DTNB: variants seen among roughly 807,000 people sequenced by gnomAD.
The protein encoded by DTNB is dystrobrevin beta.
In DTNB, 63 loss-of-function variants were observed where a neutral mutation model predicts 90.7. The ratio of observed to expected loss-of-function variants is 0.69; its 90% CI spans 0.57 to 0.86. DTNB has a LOEUF of 0.86. Ranked by LOEUF, DTNB falls within the 40% of genes least tolerant of loss-of-function variation. The probability of loss-of-function intolerance (pLI) is 0.00; values close to 1 mark genes in which losing one functional copy is unlikely to be tolerated. For synonymous variants in DTNB, 277 were observed against 286.7 expected, an observed-to-expected ratio of 0.97 and a Z score of 0.34; for missense variants, 744 against 807.1, an observed-to-expected ratio of 0.92 and a Z score of 0.95.
chr2:25,419,318 G>C (rs1259642281), intron 16 of DTNB, 197 bp downstream of exon 16: 1 of 757,004 alleles, frequency 1.3e-6, no homozygotes, highest in Non-Finnish European at 2.2e-6. Context: ...TTTTAAGTAA[G>C]AACATGCTCT....
At chr2:25,667,679 T>C (rs984452063) in intron 1 of DTNB, among the ~76,000 whole-genome samples, 10 of 152,182 alleles carry the variant, frequency 6.6e-5, no homozygotes, top group African/African-American at 2.2e-4. Context: ...GGAATGCAAA[T>C]GATACAGTCA....
chr2:25,423,074 CA>C (rs1413519815), intron 15 of DTNB, among the ~76,000 whole-genome samples: 2 of 152,104 alleles, frequency 1.3e-5, no homozygotes, highest in Non-Finnish European at 2.9e-5. Flanking sequence ...CCTGTAATCC[CA>C]ACTACTCAGG....
chr2:25,580,606 T>C (rs2061422840), intron 7 of DTNB, 115 bp downstream of exon 7: 8 of 1,014,066 alleles, frequency 7.9e-6, no homozygotes, highest in Middle Eastern at 2.1e-4. Context: ...AATGACAGAA[T>C]GACAGCAAAT....
chr2:25,633,441 C>G (rs2076233626), intron 3 of DTNB, among the ~76,000 whole-genome samples: 1 of 152,150 alleles, frequency 6.6e-6, no homozygotes, highest in Non-Finnish European at 1.5e-5. Context: ...GCCGGGATTG[C>G]AGACGGAGTC....
chr2:25,441,964 A>G (rs1467184252), intron 12 of DTNB, among the ~76,000 whole-genome samples: 1 of 150,908 alleles, frequency 6.6e-6, no homozygotes, highest in Non-Finnish European at 1.5e-5. Flanking sequence ...CCCTAAACAG[A>G]TTTTTTTTTT....
chr2:25,425,238 C>T (rs1325736503), intron 15 of DTNB, among the ~76,000 whole-genome samples: 5 of 152,094 alleles, frequency 3.3e-5, no homozygotes, highest in Admixed American at 2.6e-4. Context: ...AGAAACATAT[C>T]TATGCAAAAC....
chr2:25,595,049 C>A (rs1268084184), intron 6 of DTNB: 1 of 152,080 alleles, frequency 6.6e-6, no homozygotes, highest in Admixed American at 6.5e-5. Context: ...ATTATTGACA[C>A]TTTTGAAGTG....
rs1169808182 is a variant in DTNB, at chr2:25,589,367, C to CTTTTTTTTTTTTTTT, written c.603+6704_603+6718dup. On this transcript the variant is annotated intron_variant, in intron 6 of 20. Coordinates refer to ENST00000406818, the MANE Select transcript of DTNB (RefSeq NM_021907.5). ...GCTTATTCAGGTTTCTTTTTCTTTT[C>CTTTTTTTTTTTTTTT]TTTTTTTTTTTTTTTTTTTTTTTTT... Among the ~76,000 whole-genome samples, 36 of 57,544 alleles carry CTTTTTTTTTTTTTTT rather than the reference C, an allele frequency of 6.3e-4. 5 individuals are homozygous for CTTTTTTTTTTTTTTT. Among genetic ancestry groups the CTTTTTTTTTTTTTTT allele is most frequent in the African/African-American group, 1.9e-3 (23 of 12,290 alleles). 37.8% of individuals were successfully genotyped at this position (57,544 alleles called of 152,430 possible). A position where few individuals can be genotyped will look rare whatever the true frequency, so the allele number is the denominator to read the frequency against.
At chr2:25,404,197 G>A (rs558388526) in intron 16 of DTNB, among the ~76,000 whole-genome samples, 7 of 152,324 alleles carry the variant, frequency 4.6e-5, no homozygotes, top group Admixed American at 3.9e-4. Flanking sequence ...CCTATCCCGA[G>A]GGAGTCAGGT....
intron 16 of DTNB, among the ~76,000 whole-genome samples, chr2:25,409,485 T>C (rs1215921340): frequency 1.3e-5 from 2 of 152,212 alleles, no homozygotes; most frequent in East Asian, 1.9e-4. Context: ...GGGCAGTCCA[T>C]TCATGTGTAA....
At chr2:25,400,856 T>C (rs190146708) in intron 16 of DTNB, among the ~76,000 whole-genome samples, 1 of 152,178 alleles carries the variant, frequency 6.6e-6, no homozygotes, top group Non-Finnish European at 1.5e-5. Context: ...TTGGAAACAA[T>C]TCTGTTGCAA....
At chr2:25,437,699 T>C (rs1558524270) in intron 12 of DTNB, among the ~76,000 whole-genome samples, 1 of 152,212 alleles carries the variant, frequency 6.6e-6, no homozygotes, top group East Asian at 1.9e-4. Flanking sequence ...GAGACTTTGT[T>C]GATCCAGTTC....
At chr2:25,564,876 A>G (rs916870288) in intron 8 of DTNB, among the ~76,000 whole-genome samples, 6 of 152,222 alleles carry the variant, frequency 3.9e-5, no homozygotes, top group African/African-American at 4.8e-5. Flanking sequence ...GTAGGTTGGT[A>G]CAAAAGTAAT....
chr2:25,426,334 C>T (rs895215265), intron 15 of DTNB, among the ~76,000 whole-genome samples: 2 of 152,192 alleles, frequency 1.3e-5, no homozygotes, highest in African/African-American at 2.4e-5. Flanking sequence ...CCACTGAGGA[C>T]TTGGATAGAA....
rs2064590866 is a variant in DTNB at position 25,596,177 on chromosome 2, A to G, written c.512T>C (p.Leu171Pro). The G allele has an allele frequency of 6.2e-7, 1 of 1,613,588 alleles. No homozygotes were observed. Among genetic ancestry groups the G allele is most frequent in the Non-Finnish European group, 8.5e-7 (1 of 1,179,758 alleles). The change falls in exon 6 of 21, where the codon CTG becomes CCG. Residue 171 changes from leucine to proline, a missense_variant. Transcript: ENST00000406818. ...LMIFSKFDQF[L>P]KEVLKLPTAV... ...TGTTGGGAGCTTCAGAACTTCCTTC[A>G]GAAACTGGTCAAACTTGCTAAATAT... is the stretch of plus-strand genomic sequence containing the variant.
At chr2:25,452,320 G>C (rs1049229408) in intron 11 of DTNB, among the ~76,000 whole-genome samples, 4 of 152,210 alleles carry the variant, frequency 2.6e-5, no homozygotes, top group African/African-American at 9.6e-5. Flanking sequence ...TTGAGTAATA[G>C]GCTGGCTCTG....
chr2:25,432,942 G>A lies in DTNB; in HGVS notation c.1401C>T (p.Pro467=). The change falls in exon 14 of 21, where the codon CCC becomes CCT. Residue 467 remains proline (P), a synonymous_variant. Coordinates refer to ENST00000406818, the MANE Select transcript of DTNB (RefSeq NM_021907.5). ...LRLEHEQASQ[P]TPEKAQQNPT... is the part of the protein sequence containing the mutation. Reference sequence around the variant, plus strand: ...GGTTCTGCTGTGCCTTCTCAGGGGTGGGCTGGGAGGCCTGCTCGTGTTCCA... The same window carrying A: ...GGTTCTGCTGTGCCTTCTCAGGGGTAGGCTGGGAGGCCTGCTCGTGTTCCA... 1 of 1,611,266 alleles carries A rather than the reference G, an allele frequency of 6.2e-7. No homozygotes were observed. Among genetic ancestry groups the A allele is most frequent in the East Asian group, 2.2e-5 (1 of 44,864 alleles).
At chr2:25,495,461 A>G (rs2068619574) in intron 9 of DTNB, among the ~76,000 whole-genome samples, 1 of 152,232 alleles carries the variant, frequency 6.6e-6, no homozygotes, top group South Asian at 2.1e-4. Context: ...TTGTCTAGAA[A>G]GAAAACCAGT....
chr2:25,530,269 T>C (rs1229043866), intron 9 of DTNB, among the ~76,000 whole-genome samples: 1 of 151,978 alleles, frequency 6.6e-6, no homozygotes, highest in Admixed American at 6.6e-5. Flanking sequence ...ACACCGTCTC[T>C]ACTAAAAATT....
Sources: gnomAD v4.1 joint callset for allele counts (sites outside exome capture counted in the v4.1 genomes callset) on GRCh38, gnomAD v4.1.1 for gene constraint, MANE v1.5 for transcripts, NCBI Gene and HGNC (gene_info 2026-07-23, HGNC 2026-07-21) for gene names.